The following SIRT5 variants were observed in gnomAD, a reference collection of about 807,000 sequenced individuals.
SIRT5 encodes the protein NAD-dependent protein deacylase sirtuin-5, mitochondrial.
Under a neutral mutation model 40.0 loss-of-function variants are expected in SIRT5, and 26 were observed. That is an observed-to-expected ratio of 0.65 (90% confidence interval 0.48 to 0.90). The LOEUF is 0.90. Ranked by LOEUF, SIRT5 falls within the 40% of genes least tolerant of loss-of-function variation. The pLI is 0.00. For missense variants in SIRT5, 401 were observed against 402.4 expected (o/e 1.00, Z 0.03); for synonymous variants, 146 against 149.1 (o/e 0.98, Z 0.15).
At chr6:13,602,202 A>G (rs919171812) in intron 9 of SIRT5, among the ~76,000 whole-genome samples, 9 of 152,236 alleles carry the variant, frequency 5.9e-5, no homozygotes, top group Non-Finnish European at 1.0e-4. Context: ...CTCAGTCCCT[A>G]TCAAAATCAC....
chr6:13,581,659 A>G (rs977295554), intron 2 of SIRT5, among the ~76,000 whole-genome samples: 1 of 152,208 alleles, frequency 6.6e-6, no homozygotes, highest in Non-Finnish European at 1.5e-5. Flanking sequence ...TTGTTTACCC[A>G]TTTATAAATT....
At chr6:13,609,374 G>C (rs911084220) in intron 9 of SIRT5, among the ~76,000 whole-genome samples, 1 of 152,178 alleles carries the variant, frequency 6.6e-6, no homozygotes, top group Non-Finnish European at 1.5e-5. Flanking sequence ...AAAGCAATTG[G>C]GGGGAGGGTG....
At chr6:13,606,210 A>G (rs377569075) in intron 9 of SIRT5, among the ~76,000 whole-genome samples, 5 of 152,314 alleles carry the variant, frequency 3.3e-5, no homozygotes, top group African/African-American at 1.2e-4. Context: ...CGAAGACATA[A>G]TCTGGGATAA....
chr6:13,588,468 T>C lies in SIRT5; in HGVS notation c.249+4T>C. ...TTGGAGAAAATGGCAAGCCCAGGTT[T>C]GTAAAGTTTCCAGAACATTAAAAGC... On this transcript the variant is annotated splice_donor_region_variant and intron_variant, in intron 4 of 9. Coordinates refer to ENST00000606117, the MANE Select transcript of SIRT5 (RefSeq NM_012241.5). 1 of 1,612,708 alleles carries C rather than the reference T, an allele frequency of 6.2e-7. No individual in the cohort carries two copies. Among genetic ancestry groups the C allele is most frequent in the Non-Finnish European group, 8.5e-7 (1 of 1,179,534 alleles).
intron 2 of SIRT5, among the ~76,000 whole-genome samples, chr6:13,581,567 T>TA (rs1180908270): frequency 6.6e-6 from 1 of 152,250 alleles, no homozygotes; most frequent in East Asian, 1.9e-4. Context: ...ATAACACTTT[T>TA]AAAGATTCAT....
chr6:13,608,585 TAAAA>T (rs751373309), intron 9 of SIRT5, among the ~76,000 whole-genome samples: 4 of 137,670 alleles, frequency 2.9e-5, no homozygotes, highest in Non-Finnish European at 6.3e-5. Context: ...GACTCTGTCT[TAAAA>T]AAAAAAAAAA....
chr6:13,610,343 A>G (rs1319327873), intron 9 of SIRT5, among the ~76,000 whole-genome samples: 4 of 152,216 alleles, frequency 2.6e-5, no homozygotes, highest in African/African-American at 7.2e-5. Flanking sequence ...CAAAATACAC[A>G]GAGTAATTTT....
At chr6:13,585,409 C>T (rs927599080) in intron 3 of SIRT5, among the ~76,000 whole-genome samples, 1 of 150,382 alleles carries the variant, frequency 6.6e-6, no homozygotes, top group African/African-American at 2.5e-5. Flanking sequence ...CACCCCCCGA[C>T]AGGCCCCAGT....
intron 5 of SIRT5, 50 bp downstream of exon 5, chr6:13,591,944 TC>T: frequency 6.5e-7 from 1 of 1,533,850 alleles, no homozygotes; most frequent in Non-Finnish European, 9.0e-7. Flanking sequence ...AAAACACCTG[TC>T]CTGCTGTTTC....
intron 9 of SIRT5, among the ~76,000 whole-genome samples, chr6:13,611,258 CAT>C (rs1763876174): frequency 1.4e-5 from 2 of 142,340 alleles, no homozygotes; most frequent in South Asian, 2.2e-4. Flanking sequence ...TACACACACA[CAT>C]ATATATACAC....
In SIRT5 at chr6:13,591,794, G is replaced by C; in HGVS notation, c.375G>C (p.Glu125Asp). 1 of 1,614,144 alleles carries C rather than the reference G, an allele frequency of 6.2e-7. No individual in the cohort carries two copies. Among genetic ancestry groups the C allele is most frequent in the Middle Eastern group, 1.6e-4 (1 of 6,062 alleles). ...GGCACCGCGCCATAGCCGAGTGTGA[G>C]ACCCGGCTGGGCAAGCAGGGCCGGC... ...NAGHRAIAEC[E>D]TRLGKQGRRV... Residue 125 changes from glutamate (E) to aspartate (D), a missense_variant, in exon 5 of 10, where the codon GAG (glutamate) becomes GAC (aspartate). Transcript: ENST00000606117.
intron 9 of SIRT5, among the ~76,000 whole-genome samples, chr6:13,610,987 G>GT (rs1330309179): frequency 6.6e-6 from 1 of 151,786 alleles, no homozygotes; most frequent in Non-Finnish European, 1.5e-5. Flanking sequence ...CTTATTCATA[G>GT]TTTTTTTAAA....
chr6:13,595,421 A>G, intron 5 of SIRT5, 56 bp from the exon 6 acceptor site: 2 of 1,289,490 alleles, frequency 1.6e-6, no homozygotes, highest in South Asian at 2.4e-5. Context: ...TTAGACATGG[A>G]GAAGGTTGCT....
At chr6:13,600,702 T>C in intron 8 of SIRT5, 132 bp from the exon 9 acceptor site, 1 of 617,280 alleles carries the variant, frequency 1.6e-6, no homozygotes, top group Non-Finnish European at 2.9e-6. Flanking sequence ...CACCCTGTTT[T>C]ATCCCATCCT....
chr6:13,589,294 A>T (rs989554109), intron 4 of SIRT5: 3 of 152,162 alleles, frequency 2.0e-5, no homozygotes, highest in African/African-American at 7.3e-5. Flanking sequence ...ACACCCGGCT[A>T]ATTTTTGTAT....
chr6:13,576,868 G>T (rs1418357277), intron 1 of SIRT5, among the ~76,000 whole-genome samples: 1 of 152,164 alleles, frequency 6.6e-6, no homozygotes, highest in East Asian at 1.9e-4. Context: ...TCCAGCATGT[G>T]GATATTCAGT....
intron 4 of SIRT5, among the ~76,000 whole-genome samples, chr6:13,589,918 C>T (rs1034889080): frequency 2.0e-5 from 3 of 152,144 alleles, no homozygotes; most frequent in South Asian, 2.1e-4. Context: ...CTTCCAGGGA[C>T]GCCTGTGGAC....
intron 5 of SIRT5, among the ~76,000 whole-genome samples, chr6:13,592,932 A>G (rs1203496503): frequency 3.2e-5 from 1 of 30,898 alleles, no homozygotes; most frequent in African/African-American, 1.3e-4. Context: ...TTTTTTTTTT[A>G]GCAATGGGGG....
intron 9 of SIRT5, among the ~76,000 whole-genome samples, chr6:13,602,159 A>T (rs1022609082): frequency 6.6e-6 from 1 of 152,236 alleles, no homozygotes; most frequent in Non-Finnish European, 1.5e-5. Context: ...TAAGATGGCA[A>T]TGCTCCCCAA....
Sources: gnomAD v4.1 joint callset for allele counts (sites outside exome capture counted in the v4.1 genomes callset) on GRCh38, gnomAD v4.1.1 for gene constraint, MANE v1.5 for transcripts, NCBI Gene and HGNC (gene_info 2026-07-23, HGNC 2026-07-21) for gene names.